The following PIEZO1 variants were observed in gnomAD, a reference collection of about 807,000 sequenced individuals.
PIEZO1 encodes piezo type mechanosensitive ion channel component 1 (Er blood group), also known as piezo-type mechanosensitive ion channel component 1.
PIEZO1 carries 296 observed loss-of-function variants against 297.2 expected under a neutral mutation model. That is an observed-to-expected ratio of 1.00 (90% confidence interval 0.91 to 1.10). The LOEUF is 1.10. Among genes scored for constraint, PIEZO1 ranks in the 50% least tolerant of loss-of-function variants. The pLI, the probability that PIEZO1 is intolerant of heterozygous loss-of-function variation, is 0.00. For synonymous variants in PIEZO1, 2,427 were observed against 1,507.5 expected, an observed-to-expected ratio of 1.61 and a Z score of -14.13; for missense variants, 5,018 against 3,455.5, an observed-to-expected ratio of 1.45 and a Z score of -11.34.
At chr16:88,742,764 G>A (rs1166249367) in intron 2 of PIEZO1, 1 of 354,260 alleles carries the variant, frequency 2.8e-6, no homozygotes, top group East Asian at 7.4e-5. Flanking sequence ...TGGAAGCAGA[G>A]GAAATAGACA....
At chr16:88,760,777 G>A (rs1258105435) in intron 1 of PIEZO1, among the ~76,000 whole-genome samples, 1 of 152,258 alleles carries the variant, frequency 6.6e-6, no homozygotes, top group Non-Finnish European at 1.5e-5. Context: ...CTTCGACGCA[G>A]CAGGAGGTAA....
intron 23 of PIEZO1, 129 bp downstream of exon 23, chr16:88,727,428 T>G: frequency 1.6e-6 from 1 of 644,434 alleles, no homozygotes; most frequent in South Asian, 2.0e-5. Context: ...GGTCAGGGCC[T>G]GCAGGCCGCC....
At chr16:88,761,327 C>A (rs1906923116) in intron 1 of PIEZO1, among the ~76,000 whole-genome samples, 1 of 152,218 alleles carries the variant, frequency 6.6e-6, no homozygotes, top group Non-Finnish European at 1.5e-5. Flanking sequence ...AGGTGACCTG[C>A]TGGTGGGTGG....
At chr16:88,749,046 G>C (rs377600873) in intron 2 of PIEZO1, among the ~76,000 whole-genome samples, 1 of 151,186 alleles carries the variant, frequency 6.6e-6, no homozygotes, top group South Asian at 2.1e-4. Context: ...GACCATCCTG[G>C]CTATCACGGT....
At chr16:88,753,739 G>A (rs1156512426) in intron 1 of PIEZO1, among the ~76,000 whole-genome samples, 1 of 152,250 alleles carries the variant, frequency 6.6e-6, no homozygotes, top group Non-Finnish European at 1.5e-5. Flanking sequence ...TGGTCTAAGT[G>A]TGTTGATGTG....
Position 88,738,587 on chromosome 16 carries a change from T to C in PIEZO1, c.615A>G (p.Val205=). 1 of 1,535,482 alleles carries C rather than the reference T, an allele frequency of 6.5e-7. No individual in the cohort carries two copies. The highest frequency in any genetic ancestry group is 8.7e-7 in the Non-Finnish European group (1 of 1,146,658). Reference sequence around the variant, plus strand: ...GCGTACCTGCCAGTGCAAGCAGTGTTACGGCCAGGACCCGCCCAGCCGCCA... The same window carrying C: ...GCGTACCTGCCAGTGCAAGCAGTGTCACGGCCAGGACCCGCCCAGCCGCCA... ...LLVAAGRVLA[V]TLLALAGIAH... The change falls in exon 6 of 51, where the codon GTA becomes GTG. Residue 205 remains valine (V), a synonymous_variant. Transcript: ENST00000301015.
chr16:88,715,906 G>A (rs1183212254), intron 50 of PIEZO1, 27 bp downstream of exon 50: 13 of 1,533,864 alleles, frequency 8.5e-6, no homozygotes, highest in African/African-American at 5.6e-5. Flanking sequence ...CCCGAGCTGC[G>A]GGGTGCCCCC....
intron 1 of PIEZO1, among the ~76,000 whole-genome samples, chr16:88,771,705 C>T (rs577405036): frequency 2.0e-5 from 3 of 152,184 alleles, no homozygotes; most frequent in African/African-American, 2.4e-5. Flanking sequence ...CTAGTGGAGC[C>T]GACGTCCAGA....
Position 88,722,065 on chromosome 16 carries a change from G to C in PIEZO1, c.4957C>G (p.Arg1653Gly), listed in dbSNP as rs761500193. 6.5e-7 allele frequency: 1 copy of C among 1,544,914 alleles called. No individual in the cohort carries two copies. The highest frequency in any genetic ancestry group is 8.7e-7 in the Non-Finnish European group (1 of 1,144,912). ...RTASELLLDR[R>G]LRIPELEEAE... Reference sequence around the variant, plus strand: ...TCCTCCAGCTCTGGGATGCGCAGGCGCCTACAGGGAGACCCGCGTGTTTGG... The same window carrying C: ...TCCTCCAGCTCTGGGATGCGCAGGCCCCTACAGGGAGACCCGCGTGTTTGG... The change falls in exon 37 of 51, where the codon CGC (arginine) becomes GGC (glycine). Residue 1653 changes from arginine to glycine, a missense_variant and splice_region_variant. Transcript: ENST00000301015.
At chr16:88,734,326 C>T (rs1253177772) in intron 16 of PIEZO1, 30 bp downstream of exon 16, 2 of 1,484,274 alleles carry the variant, frequency 1.3e-6, no homozygotes, top group Admixed American at 2.3e-5. Context: ...TACACCTCTC[C>T]AGGGCCGGAC....
In PIEZO1 at chr16:88,734,472, G is replaced by A. The variant is rs769950800; in HGVS notation, c.2064C>T (p.Gly688=). 2 of 1,549,874 alleles carry A rather than the reference G, an allele frequency of 1.3e-6. No homozygotes were observed. The highest frequency in any genetic ancestry group is 2.4e-5 in the South Asian group (2 of 84,046). Residue 688 remains glycine, a synonymous_variant, in exon 16 of 51, where the codon GGC becomes GGT. Transcript: ENST00000301015. ...SELFSSILVP[G]FFLLACILQL... ...GCAGGATGCAGGCCAGGAGGAAGAA[G>A]CCGGGCACCAGGATGCTGGAGAAGA... is the stretch of plus-strand genomic sequence containing the variant.
In PIEZO1 at chr16:88,738,290, C is replaced by G; in HGVS notation, c.785G>C (p.Cys262Ser). ...CAAGGGCATCTGGTAGCAGTAGAGGCAGATGAGATGGCCGGCGCCGAAGCA... is the reference window on the plus strand; with the variant it reads ...CAAGGGCATCTGGTAGCAGTAGAGGGAGATGAGATGGCCGGCGCCGAAGCA... ...VGCFGAGHLICLYCYQMPLAQ... is the reference protein window; with the variant it reads ...VGCFGAGHLISLYCYQMPLAQ... Residue 262 changes from cysteine (C) to serine (S), a missense_variant, in exon 7 of 51, where the codon TGC (cysteine) becomes TCC (serine). Coordinates refer to ENST00000301015, the MANE Select transcript of PIEZO1 (RefSeq NM_001142864.4). 1 of 1,535,910 alleles carries G rather than the reference C, an allele frequency of 6.5e-7. No homozygotes were observed. Among genetic ancestry groups the G allele is most frequent in the Non-Finnish European group, 8.7e-7 (1 of 1,146,870 alleles).
In PIEZO1 at chr16:88,725,491, T is replaced by G. The variant is rs534419312; in HGVS notation, c.4087A>C (p.Lys1363Gln). ...QMERIRAKQE[K>Q]HRQGRVDRSR... is the part of the protein sequence containing the mutation. Reference sequence around the variant, plus strand: ...CGGTCCACCCGGCCCTGCCTGTGCTTCTCCTGCTTGGCACGGATACGCTCC... The same window carrying G: ...CGGTCCACCCGGCCCTGCCTGTGCTGCTCCTGCTTGGCACGGATACGCTCC... Residue 1363 changes from lysine to glutamine, a missense_variant, in exon 29 of 51, where the codon AAG (lysine) becomes CAG (glutamine). Lys to Gln is a moderately conservative substitution (Grantham distance 53). Transcript: ENST00000301015. 19 of 1,526,704 alleles carry G rather than the reference T, an allele frequency of 1.2e-5. No homozygotes were observed. Among genetic ancestry groups the G allele is most frequent in the South Asian group, 2.5e-5 (2 of 80,994 alleles). 94.6% of individuals were successfully genotyped at this position (1,526,704 alleles called of 1,614,324 possible).
In PIEZO1 at chr16:88,715,610, C is replaced by A. The variant is rs73262683; in HGVS notation, c.7561G>T (p.Glu2521Ter). 4 of 1,549,686 alleles carry A rather than the reference C, an allele frequency of 2.6e-6. No homozygotes were observed. The South Asian group carries it at 4.8e-5, about 18-fold the overall frequency. ...TCGGGCGCCAGCAGCAGCTCCTACT[C>A]CTTCTCACGAGTCCACTTGATCATG... is the stretch of plus-strand genomic sequence containing the variant. ...ETMIKWTREK[E>*] Residue 2521 changes from glutamate (E) to a stop codon, truncating the protein, a stop_gained, in exon 51 of 51, where the codon GAG becomes TAG. Coordinates refer to ENST00000301015, the MANE Select transcript of PIEZO1 (RefSeq NM_001142864.4). LOFTEE classifies it high-confidence loss of function.
intron 2 of PIEZO1, among the ~76,000 whole-genome samples, chr16:88,748,468 T>C (rs928841670): frequency 1.3e-4 from 13 of 103,364 alleles, no homozygotes; most frequent in African/African-American, 5.5e-4. Context: ...CCCAAGGTGG[T>C]TCCCAAGGGG....
At chr16:88,731,597 A>C in intron 22 of PIEZO1, 109 bp downstream of exon 22, 1 of 801,368 alleles carries the variant, frequency 1.2e-6, no homozygotes, top group Non-Finnish European at 2.0e-6. Flanking sequence ...GGAGGAGGCC[A>C]AGGCTAAGTC....
In PIEZO1 at chr16:88,755,770, C is replaced by T. The variant is rs535791317; in HGVS notation, c.65-6291G>A. Among the ~76,000 whole-genome samples, 48 of 152,294 alleles carry T rather than the reference C, an allele frequency of 3.2e-4. 1 individual carries two copies. The South Asian group carries it at 9.5e-3, about 30-fold the overall frequency. ...CCATGAGAGGCCGGGGGCCCCCAGG[C>T]CAAGAGCTGCAGAGCGGCCTCACAG... is the stretch of plus-strand genomic sequence containing the variant. On this transcript the variant is annotated intron_variant, in intron 1 of 50. Coordinates refer to ENST00000301015, the MANE Select transcript of PIEZO1 (RefSeq NM_001142864.4).
At chr16:88,750,625 A>G (rs1438645728) in intron 1 of PIEZO1, among the ~76,000 whole-genome samples, 1 of 152,146 alleles carries the variant, frequency 6.6e-6, no homozygotes, top group Admixed American at 6.5e-5. Flanking sequence ...CTGATCTGAT[A>G]AGGTCTGGAG....
chr16:88,741,464 G>T lies in PIEZO1; in HGVS notation c.465+14C>A. ...ATGACCTCCCTGACACACGGGTGAC[G>T]CAGCTGCCCTCACCAGCTCCCGTGG... is the stretch of plus-strand genomic sequence containing the variant. On this transcript the variant is annotated intron_variant, in intron 5 of 50. Transcript: ENST00000301015. 1 of 1,528,022 alleles carries T rather than the reference G, an allele frequency of 6.5e-7. No individual in the cohort carries two copies. Among genetic ancestry groups the T allele is most frequent in the Non-Finnish European group, 8.8e-7 (1 of 1,142,510 alleles). 94.7% of individuals were successfully genotyped at this position (1,528,022 alleles called of 1,614,324 possible). A position where few individuals can be genotyped will look rare whatever the true frequency, so the allele number is the denominator to read the frequency against.
Sources: allele counts gnomAD v4.1 joint callset (sites outside exome capture counted in the v4.1 genomes callset), GRCh38; gene constraint gnomAD v4.1.1; transcripts MANE v1.5; gene names NCBI Gene and HGNC (gene_info 2026-07-23, HGNC 2026-07-21).